MACROH2A1: variants seen among roughly 807,000 people sequenced by gnomAD.
MACROH2A1 encodes core histone macro-H2A.1.
MACROH2A1 carries 2 observed loss-of-function variants against 31.6 expected under a neutral mutation model. The observed-to-expected ratio is 0.06, with a 90% CI of 0.03 to 0.20. The LOEUF is 0.20. Among genes scored for constraint, MACROH2A1 ranks in the 10% least tolerant of loss-of-function variants. The pLI, the probability that MACROH2A1 is intolerant of heterozygous loss-of-function variation, is 1.00. For missense variants in MACROH2A1, 230 were observed against 474.0 expected, an observed-to-expected ratio of 0.49 and a Z score of 4.78; for synonymous variants, 169 against 189.6, an observed-to-expected ratio of 0.89 and a Z score of 0.89.
chr5:135,374,796 T>G (rs1271799642), intron 2 of MACROH2A1, among the ~76,000 whole-genome samples: 2 of 152,168 alleles, frequency 1.3e-5, no homozygotes, highest in African/African-American at 4.8e-5. Flanking sequence ...GGATTCTCTC[T>G]TGAAGGAAAT....
chr5:135,353,108 T>TTGGG (rs1426287489), intron 5 of MACROH2A1, 63 bp from the exon 6 acceptor site: 1 of 1,037,888 alleles, frequency 9.6e-7, no homozygotes, highest in Non-Finnish European at 1.5e-6. Flanking sequence ...AGAAGGAGCC[T>TTGGG]TGGGATACAG....
At position 135,353,238 on chromosome 5, in the gene MACROH2A1, A is replaced by G. The variant is rs7736229; in HGVS notation, c.589-193T>C. On this transcript the variant is annotated intron_variant, in intron 5 of 8. Coordinates refer to ENST00000511689, the MANE Select transcript of MACROH2A1 (RefSeq NM_138610.3). ...TGCTGCTCGGGATGCGGGAGCAAGC[A>G]AACTAGGATGAATGTTCAGAGCCCG... 3.4e-3 allele frequency: 1,879 copies of G among 557,686 alleles called. 27 individuals are homozygous for G. The highest frequency in any genetic ancestry group is 0.033 in the African/African-American group (1,740 of 53,138). The allele number at this position is 557,686 out of a possible 1,614,324, so 34.5% of individuals were successfully genotyped here. A position where few individuals can be genotyped will look rare whatever the true frequency, so the allele number is the denominator to read the frequency against.
At chr5:135,338,167 C>T (rs1184557602) in intron 8 of MACROH2A1, among the ~76,000 whole-genome samples, 1 of 152,208 alleles carries the variant, frequency 6.6e-6, no homozygotes, top group Non-Finnish European at 1.5e-5. Context: ...GTGGCACATG[C>T]AGCAGCTGAG....
upstream of MACROH2A1, chr5:135,399,737 A>G (rs369419824): frequency 6.6e-6 from 1 of 152,224 alleles, no homozygotes; most frequent in Non-Finnish European, 1.5e-5. The surrounding 1 kb of genome is among the most constrained non-coding windows in gnomAD (Gnocchi z 4.5). Flanking sequence ...CCCAAGATCA[A>G]TTACTGCGCA....
intron 1 of MACROH2A1, among the ~76,000 whole-genome samples, chr5:135,391,274 C>T (rs1767200426): frequency 6.6e-6 from 1 of 152,176 alleles, no homozygotes; most frequent in South Asian, 2.1e-4. Context: ...GCTTTTAAAT[C>T]GGAATGTCTC....
chr5:135,399,362 AC>A (rs1403491367), upstream of MACROH2A1: 3 of 151,560 alleles, frequency 2.0e-5, no homozygotes, highest in East Asian at 5.9e-4. The surrounding 1 kb of genome is among the most constrained non-coding windows in gnomAD (Gnocchi z 4.5). Context: ...CCCGCGCCCT[AC>A]CCGTTGACGC....
rs536452088 is a variant in MACROH2A1, at chr5:135,393,790, T to C, written c.-33-4664A>G. On this transcript the variant is annotated intron_variant, in intron 1 of 8. Transcript: ENST00000511689. ...GGCCTAGAAAATGAAGGTTCTGTGATTGATCTTGAAGGGATCTCTGTGGTC... is the reference window on the plus strand; with the variant it reads ...GGCCTAGAAAATGAAGGTTCTGTGACTGATCTTGAAGGGATCTCTGTGGTC... Among the ~76,000 whole-genome samples the C allele has an allele frequency of 7.9e-5, 12 of 152,370 alleles. No homozygotes were observed. The South Asian group carries it at 1.2e-3, about 16-fold the overall frequency.
intron 5 of MACROH2A1, chr5:135,354,874 C>A (rs1422800398): frequency 5.5e-6 from 2 of 361,428 alleles, no homozygotes; most frequent in African/African-American, 2.1e-5. Context: ...CAAAACACAC[C>A]CCACACAGTG....
At chr5:135,358,686 A>T (rs1273928009) in intron 5 of MACROH2A1, 1 of 939,962 alleles carries the variant, frequency 1.1e-6, no homozygotes, top group Non-Finnish European at 1.3e-6. Context: ...CTCCATTTTT[A>T]AAAATAACAT....
At chr5:135,392,505 G>A (rs1179495884) in intron 1 of MACROH2A1, among the ~76,000 whole-genome samples, 1 of 152,150 alleles carries the variant, frequency 6.6e-6, no homozygotes, top group East Asian at 1.9e-4. Context: ...TGCAGCCACA[G>A]CTATGAAAGA....
intron 8 of MACROH2A1, among the ~76,000 whole-genome samples, chr5:135,342,486 G>A (rs1760058053): frequency 6.6e-6 from 1 of 152,220 alleles, no homozygotes; most frequent in African/African-American, 2.4e-5. Flanking sequence ...GTACAACCAG[G>A]TAGGTATTGT....
chr5:135,351,059 G>T (rs529296715), intron 6 of MACROH2A1: 4 of 582,878 alleles, frequency 6.9e-6, no homozygotes, highest in Non-Finnish European at 1.3e-5. Flanking sequence ...CGCAGTGTGC[G>T]CACATGTGGA....
intron 4 of MACROH2A1, among the ~76,000 whole-genome samples, chr5:135,366,125 G>C (rs1763471602): frequency 6.6e-6 from 1 of 152,202 alleles, no homozygotes; most frequent in Admixed American, 6.5e-5. Flanking sequence ...GGTGCCTTTT[G>C]CCATGATTCT....
At chr5:135,349,855 A>G (rs970406468) in intron 6 of MACROH2A1, among the ~76,000 whole-genome samples, 1 of 152,190 alleles carries the variant, frequency 6.6e-6, no homozygotes, top group African/African-American at 2.4e-5. Flanking sequence ...CTTTGCTTAC[A>G]TTTAATGTAA....
chr5:135,367,755 G>T (rs1006998796), intron 4 of MACROH2A1, among the ~76,000 whole-genome samples: 10 of 152,236 alleles, frequency 6.6e-5, no homozygotes, highest in African/African-American at 2.4e-4. Flanking sequence ...CAAGGGCCCT[G>T]CTCTGTGGGC....
At position 135,369,526 on chromosome 5, in the gene MACROH2A1, T is replaced by C. The variant is rs1417117734; in HGVS notation, c.357A>G (p.Gly119=). 11 of 1,613,996 alleles carry C rather than the reference T, an allele frequency of 6.8e-6. No individual in the cohort carries two copies. The highest frequency in any genetic ancestry group is 2.7e-5 in the African/African-American group (2 of 74,914). The change falls in exon 4 of 9, where the codon GGA becomes GGG. Residue 119 remains glycine (G), a synonymous_variant. Transcript: ENST00000511689. The surrounding 1 kb of genome is among the most constrained non-coding windows in gnomAD (Gnocchi z 4.3). Reference sequence around the variant, plus strand: ...TGATGGCTTCCAACTTTCCTTTGGATCCCCGCTTCTTCGCTAGCAACTCGG... The same window carrying C: ...TGATGGCTTCCAACTTTCCTTTGGACCCCCGCTTCTTCGCTAGCAACTCGG... ...IHPELLAKKR[G]SKGKLEAIIT...
At chr5:135,383,292 T>C (rs573615771) in intron 2 of MACROH2A1, among the ~76,000 whole-genome samples, 1 of 152,366 alleles carries the variant, frequency 6.6e-6, no homozygotes, top group South Asian at 2.1e-4. Context: ...GTATGCACTG[T>C]GATGTTTCTG....
At chr5:135,359,061 T>C in intron 5 of MACROH2A1, 1 of 985,438 alleles carries the variant, frequency 1.0e-6, no homozygotes, top group Non-Finnish European at 1.2e-6. Context: ...TTTACAGCCA[T>C]ATTTGCTGCT....
intron 1 of MACROH2A1, among the ~76,000 whole-genome samples, chr5:135,393,681 T>A (rs1475317243): frequency 6.6e-6 from 1 of 152,248 alleles, no homozygotes; most frequent in Non-Finnish European, 1.5e-5. Flanking sequence ...TGGCTCTGCA[T>A]GCTTTGAAAA....
Sources: allele counts gnomAD v4.1 joint callset (sites outside exome capture counted in the v4.1 genomes callset), GRCh38; gene constraint gnomAD v4.1.1; non-coding constraint Gnocchi (gnomAD v3.1); transcripts MANE v1.5; gene names NCBI Gene and HGNC (gene_info 2026-07-23, HGNC 2026-07-21).